The following CDK1 variants were observed in gnomAD, a reference collection of about 807,000 sequenced individuals.
The protein encoded by CDK1 is cyclin dependent kinase 1.
Under a neutral mutation model 34.6 loss-of-function variants are expected in CDK1, and 5 were observed. The ratio of observed to expected loss-of-function variants is 0.14; its 90% confidence interval spans 0.08 to 0.30. The LOEUF is 0.30. Ranked by LOEUF, CDK1 falls within the 10% of genes least tolerant of loss-of-function variation. CDK1 has a pLI of 1.00. For synonymous variants in CDK1, 108 were observed against 114.7 expected, an observed-to-expected ratio of 0.94 and a Z score of 0.37; for missense variants, 157 against 345.7, an observed-to-expected ratio of 0.45 and a Z score of 4.33.
chr10:60,790,955 G>A (rs893542813), intron 5 of CDK1, among the ~76,000 whole-genome samples: 4 of 152,110 alleles, frequency 2.6e-5, no homozygotes, highest in African/African-American at 9.7e-5. Flanking sequence ...TTGAAGTCAG[G>A]TGATACGATG....
At chr10:60,787,864 T>C (rs1315434447) in intron 4 of CDK1, 196 bp from the exon 5 acceptor site, 2 of 345,558 alleles carry the variant, frequency 5.8e-6, no homozygotes, top group East Asian at 8.6e-5. Context: ...AAGGTGAAGA[T>C]TCTTTTCTTA....
In CDK1 at chr10:60,792,999, A is replaced by G. The variant is rs572236754; in HGVS notation, c.795+710A>G. ...ATACTCTTCACAGTTAGGACAACCAAAAGTGTCTCCAGATATTGCCAAATG... is the reference window on the plus strand; with the variant it reads ...ATACTCTTCACAGTTAGGACAACCAGAAGTGTCTCCAGATATTGCCAAATG... On this transcript the variant is annotated intron_variant, in intron 7 of 7. Transcript: ENST00000395284. Among the ~76,000 whole-genome samples, 20 of 152,236 alleles carry G rather than the reference A, an allele frequency of 1.3e-4. 1 individual carries two copies. The highest frequency in any genetic ancestry group is 4.8e-4 in the African/African-American group (20 of 41,562).
intron 7 of CDK1, among the ~76,000 whole-genome samples, chr10:60,793,297 T>G (rs1392737464): frequency 6.6e-6 from 1 of 152,110 alleles, no homozygotes; most frequent in Non-Finnish European, 1.5e-5. Context: ...CTTGTTGATT[T>G]TATTTTATTT....
intron 5 of CDK1, among the ~76,000 whole-genome samples, chr10:60,788,967 A>G (rs867721924): frequency 2.0e-5 from 3 of 152,236 alleles, no homozygotes; most frequent in Middle Eastern, 3.4e-3. Flanking sequence ...TTTGTCTTAA[A>G]CAAATGCTAT....
In CDK1 at chr10:60,785,659, C is replaced by G; in HGVS notation, c.195-5C>G. 1.3e-6 allele frequency: 2 copies of G among 1,554,954 alleles called. No homozygotes were observed. Among genetic ancestry groups the G allele is most frequent in the Non-Finnish European group, 1.7e-6 (2 of 1,143,060 alleles). ...ATTCTTCTCTCATATATTTTTTTTC[C>G]CCAGTCTTCAGGATGTGCTTATGCA... is the stretch of plus-strand genomic sequence containing the variant. On this transcript the variant is annotated splice_region_variant and splice_polypyrimidine_tract_variant and intron_variant, in intron 3 of 7. Coordinates refer to ENST00000395284, the MANE Select transcript of CDK1 (RefSeq NM_001786.5).
intron 3 of CDK1, 123 bp downstream of exon 3, chr10:60,784,984 T>G: frequency 1.2e-6 from 1 of 803,686 alleles, no homozygotes; most frequent in Non-Finnish European, 2.0e-6. Context: ...ACTAGAACCC[T>G]ATTTTTGGTA....
chr10:60,785,905 TA>T, intron 4 of CDK1, 118 bp downstream of exon 4: 1 of 1,318,670 alleles, frequency 7.6e-7, no homozygotes. Flanking sequence ...TAAGAAAAAG[TA>T]TTTCATTTTT....
chr10:60,783,312 C>A (rs991827286), intron 2 of CDK1, among the ~76,000 whole-genome samples: 1 of 152,050 alleles, frequency 6.6e-6, no homozygotes, highest in African/African-American at 2.4e-5. Flanking sequence ...TGACTCATGT[C>A]AGTTTATAGT....
chr10:60,793,812 A>C, intron 7 of CDK1, 65 bp from the exon 8 acceptor site: 1 of 837,020 alleles, frequency 1.2e-6, no homozygotes, highest in Non-Finnish European at 1.9e-6. Context: ...TTGAGGTTTT[A>C]TGGAGATTTT....
At position 60,791,930 on chromosome 10, in the gene CDK1, G is replaced by C. The variant is rs759513279; in HGVS notation, c.530G>C (p.Gly177Ala). The change falls in exon 6 of 8, where the codon GGG becomes GCG. Residue 177 changes from glycine to alanine, a missense_variant. By Grantham distance (60) the Gly-to-Ala change is moderately conservative (BLOSUM62 0). Transcript: ENST00000395284. ...TACAGATCTCCAGAAGTATTGCTGG[G>C]GTCAGCTCGTTACTCAACTCCAGTT... Reference protein sequence around the residue: ...LWYRSPEVLLGSARYSTPVDI... With the variant: ...LWYRSPEVLLASARYSTPVDI... 1.2e-6 allele frequency: 2 copies of C among 1,612,798 alleles called. No homozygotes were observed. The highest frequency in any genetic ancestry group is 1.7e-6 in the Non-Finnish European group (2 of 1,179,210).
upstream of CDK1, chr10:60,778,373 A>T (rs1408809674): frequency 6.6e-6 from 1 of 152,274 alleles, no homozygotes; most frequent in African/African-American, 2.4e-5. Flanking sequence ...CCACCCGGGA[A>T]GGCCTGCCCA....
At chr10:60,785,142 C>G (rs1429736688) in intron 3 of CDK1, among the ~76,000 whole-genome samples, 1 of 152,066 alleles carries the variant, frequency 6.6e-6, no homozygotes, top group Admixed American at 6.5e-5. Context: ...AGAGCTTTGT[C>G]AACTCTCTCC....
intron 2 of CDK1, among the ~76,000 whole-genome samples, chr10:60,781,694 A>G (rs191677747): frequency 1.3e-5 from 2 of 152,242 alleles, no homozygotes; most frequent in East Asian, 3.9e-4. Flanking sequence ...GATTTGGCCT[A>G]TGAGTTTTGG....
At chr10:60,789,788 A>ATGGTAGTT (rs1256624805) in intron 5 of CDK1, among the ~76,000 whole-genome samples, 1 of 152,200 alleles carries the variant, frequency 6.6e-6, no homozygotes, top group Non-Finnish European at 1.5e-5. Flanking sequence ...GCAAAATTAT[A>ATGGTAGTT]TGGTAGTTCT....
At chr10:60,785,611 C>T (rs1311091641) in intron 3 of CDK1, 53 bp from the exon 4 acceptor site, 1 of 1,115,132 alleles carries the variant, frequency 9.0e-7, no homozygotes, top group Non-Finnish European at 1.3e-6. Context: ...TTTTGTGAAA[C>T]AGAGGTCAAA....
intron 5 of CDK1, among the ~76,000 whole-genome samples, chr10:60,789,950 T>TG (rs764383905): frequency 6.6e-6 from 1 of 152,130 alleles, no homozygotes; most frequent in Non-Finnish European, 1.5e-5. Context: ...TCTAACTGGG[T>TG]GTGATAGCTC....
intron 2 of CDK1, among the ~76,000 whole-genome samples, chr10:60,781,660 T>C (rs933895103): frequency 1.3e-5 from 2 of 152,204 alleles, no homozygotes; most frequent in African/African-American, 4.8e-5. Context: ...TTGGATTTCT[T>C]TGATGTCCTC....
At position 60,794,807 on chromosome 10, in the gene CDK1, TTAAC is replaced by T. The variant is rs1388672620; in HGVS notation, c.*836_*839del. On this transcript the variant is annotated 3_prime_UTR_variant, in exon 8 of 8. Coordinates refer to ENST00000395284, the MANE Select transcript of CDK1 (RefSeq NM_001786.5). ...CATCTAAAAAGGCTCTAATGTATATTTAACTAAAATTACTAGCTTTGGGAATTAA... is the reference window on the plus strand; with the variant it reads ...CATCTAAAAAGGCTCTAATGTATATTTAAAATTACTAGCTTTGGGAATTAA... The T allele has an allele frequency of 6.6e-6, 1 of 152,128 alleles. No homozygotes were observed. Among genetic ancestry groups the T allele is most frequent in the African/African-American group, 2.4e-5 (1 of 41,438 alleles). The allele number at this position is 152,128 out of a possible 1,614,324, so 9.4% of individuals were successfully genotyped here.
intron 2 of CDK1, among the ~76,000 whole-genome samples, chr10:60,783,926 AG>A (rs2080293797): frequency 6.6e-6 from 1 of 152,242 alleles, no homozygotes; most frequent in Non-Finnish European, 1.5e-5. Context: ...TTTGAGAATG[AG>A]GACTGTTGAC....
Sources: gnomAD v4.1 joint callset for allele counts (sites outside exome capture counted in the v4.1 genomes callset) on GRCh38, gnomAD v4.1.1 for gene constraint, MANE v1.5 for transcripts, NCBI Gene and HGNC (gene_info 2026-07-23, HGNC 2026-07-21) for gene names.